Variants in SLC17A1 observed in about 807,000 individuals in gnomAD.
SLC17A1 encodes sodium-dependent phosphate transport protein 1.
Under a neutral mutation model 53.5 loss-of-function variants are expected in SLC17A1, and 51 were observed. That is an observed-to-expected ratio of 0.95 (90% CI 0.76 to 1.20). SLC17A1 has a LOEUF of 1.20. SLC17A1 is among the 50% of genes most tolerant of loss of function. The pLI, the probability that SLC17A1 is intolerant of heterozygous loss-of-function variation, is 0.00. For synonymous variants in SLC17A1, 179 were observed against 198.8 expected (o/e 0.90, Z 0.84); for missense variants, 538 against 568.2 (o/e 0.95, Z 0.54).
the SLC17A1 span, chr6:25,732,836 T>C: frequency 4.9e-6 from 2 of 407,532 alleles, no homozygotes; most frequent in Non-Finnish European, 8.7e-6. Context: ...ACCACCCAAG[T>C]TGTAAAAGCC....
the SLC17A1 span, chr6:25,762,180 C>A: frequency 3.9e-5 from 27 of 692,218 alleles, no homozygotes; most frequent in South Asian, 5.5e-4. Flanking sequence ...CTTGCTACCA[C>A]CAATTGCCAA....
chr6:25,727,569 T>C, the SLC17A1 span, among the ~76,000 whole-genome samples: 1 of 142,114 alleles, frequency 7.0e-6, no homozygotes, highest in East Asian at 2.0e-4. Context: ...TTTTTGTATT[T>C]TTAGTAGAGA....
At chr6:25,733,716 G>A in the SLC17A1 span, among the ~76,000 whole-genome samples, 5 of 150,994 alleles carry the variant, frequency 3.3e-5, no homozygotes, top group Admixed American at 6.6e-5. Context: ...ATAAATACTC[G>A]TATTTATAAG....
chr6:25,727,150 G>A, the SLC17A1 span: 3 of 1,614,174 alleles, frequency 1.9e-6, no homozygotes, highest in East Asian at 4.5e-5. Context: ...GAGGCATCAC[G>A]TTTGGCTCAC....
chr6:25,773,707 G>C, the SLC17A1 span: 1 of 1,598,326 alleles, frequency 6.3e-7, no homozygotes, highest in East Asian at 2.2e-5. Context: ...CTGATCTTCT[G>C]TTTAAATGCT....
intron 5 of SLC17A1, 150 bp from the exon 6 acceptor site, chr6:25,819,304 CTTTTCTCTCT>C (rs372378001): frequency 8.7e-6 from 6 of 690,196 alleles, no homozygotes; most frequent in African/African-American, 7.2e-5. Context: ...AAAATATTTT[CTTTTCTCTCT>C]TTTTCTCTGT....
the SLC17A1 span, chr6:25,773,407 C>T: frequency 6.2e-7 from 1 of 1,612,408 alleles, no homozygotes. Flanking sequence ...CATTGAGGAA[C>T]TCCTCTGACA....
chr6:25,761,986 G>C, the SLC17A1 span: 1 of 1,613,354 alleles, frequency 6.2e-7, no homozygotes, highest in Non-Finnish European at 8.5e-7. Context: ...CAGATGTCAA[G>C]GCTACAGTGG....
At chr6:25,826,407 A>T in intron 3 of SLC17A1, 54 bp downstream of exon 3, 1 of 1,396,494 alleles carries the variant, frequency 7.2e-7, no homozygotes, top group Non-Finnish European at 9.8e-7. Context: ...TACACAAATT[A>T]GTTAGCAAGA....
the SLC17A1 span, chr6:25,726,907 C>G: frequency 2.5e-6 from 4 of 1,609,426 alleles, no homozygotes; most frequent in African/African-American, 4.0e-5. Context: ...TGTGTGGTAG[C>G]TATGCCGGAG....
At chr6:25,732,804 A>G in the SLC17A1 span, 1 of 692,336 alleles carries the variant, frequency 1.4e-6, no homozygotes, top group Non-Finnish European at 2.3e-6. Flanking sequence ...GGGAGCCACT[A>G]CCACAAAGTC....
At chr6:25,746,415 T>C in the SLC17A1 span, among the ~76,000 whole-genome samples, 4 of 152,182 alleles carry the variant, frequency 2.6e-5, no homozygotes, top group Non-Finnish European at 5.9e-5. Context: ...TGACAATAGT[T>C]GCTAAAATGC....
At chr6:25,729,461 T>C in the SLC17A1 span, among the ~76,000 whole-genome samples, 1 of 152,174 alleles carries the variant, frequency 6.6e-6, no homozygotes, top group Non-Finnish European at 1.5e-5. Context: ...TCTATTCCAC[T>C]GGGTCTTGGA....
chr6:25,793,432 A>G (rs570239404), intron 12 of SLC17A1, among the ~76,000 whole-genome samples: 136 of 152,224 alleles, frequency 8.9e-4, no homozygotes, highest in African/African-American at 3.1e-3. Context: ...GAGGCACATT[A>G]TTTTTTATCC....
chr6:25,731,129 T>C, the SLC17A1 span, among the ~76,000 whole-genome samples: 14 of 152,304 alleles, frequency 9.2e-5, no homozygotes, highest in African/African-American at 4.8e-5. Flanking sequence ...AACTGTGATA[T>C]TGAGTAAGCA....
At chr6:25,726,936 A>T in the SLC17A1 span, 1 of 1,613,814 alleles carries the variant, frequency 6.2e-7, no homozygotes, top group South Asian at 1.1e-5. Flanking sequence ...TAAAGGTGCT[A>T]CCATTTCCAA....
At chr6:25,758,673 TTCTC>T in the SLC17A1 span, among the ~76,000 whole-genome samples, 1 of 152,214 alleles carries the variant, frequency 6.6e-6, no homozygotes, top group South Asian at 2.1e-4. Context: ...TATTTGGATC[TTCTC>T]TCTTTTTTCC....
At chr6:25,735,957 A>T in the SLC17A1 span, among the ~76,000 whole-genome samples, 2 of 152,338 alleles carry the variant, frequency 1.3e-5, no homozygotes, top group South Asian at 2.1e-4. Flanking sequence ...AGACATGGAG[A>T]TTGAAGAGAC....
chr6:25,746,108 T>C, the SLC17A1 span, among the ~76,000 whole-genome samples: 1 of 152,228 alleles, frequency 6.6e-6, no homozygotes, highest in Non-Finnish European at 1.5e-5. Context: ...TACTGCAGCT[T>C]CAGATAATAA....
Sources: allele counts gnomAD v4.1 joint callset (sites outside exome capture counted in the v4.1 genomes callset), GRCh38; gene constraint gnomAD v4.1.1; transcripts MANE v1.5; gene names NCBI Gene and HGNC (gene_info 2026-07-23, HGNC 2026-07-21).